PSAP: variants seen among roughly 807,000 people sequenced by gnomAD.
The protein encoded by PSAP is prosaposin.
In PSAP, 25 loss-of-function variants were observed where a neutral mutation model predicts 66.0. The ratio of observed to expected loss-of-function variants is 0.38; its 90% CI spans 0.28 to 0.53. The LOEUF (loss-of-function observed/expected upper bound fraction) is 0.53. PSAP is among the 20% of genes least tolerant of loss of function. The probability of loss-of-function intolerance (pLI) is 0.83; values close to 1 mark genes in which losing one functional copy is unlikely to be tolerated. For synonymous variants in PSAP, 273 were observed against 258.9 expected (o/e 1.05, Z -0.52); for missense variants, 649 against 668.8 (o/e 0.97, Z 0.33).
chr10:71,822,330 G>C (rs112853095), intron 7 of PSAP: 20 of 428,918 alleles, frequency 4.7e-5, no homozygotes, highest in Non-Finnish European at 7.4e-5. Context: ...GTCTGTTCTA[G>C]AATGTGTCTT....
In PSAP at chr10:71,819,481, T is replaced by C; in HGVS notation, c.1334A>G (p.Asp445Gly). ...GGGGCGTACCTGCTTCTGGTAAGGG[T>C]CTGGCAGGAAGCTGCAGCCTTTCTC... ...ALEKGCSFLP[D>G]PYQKQCDQFV... The change falls in exon 11 of 14, where the codon GAC (aspartate) becomes GGC (glycine). Residue 445 changes from aspartate (D) to glycine (G), a missense_variant. Asp to Gly is a moderately conservative substitution (Grantham distance 94). Transcript: ENST00000394936. The C allele has an allele frequency of 6.2e-7, 1 of 1,614,162 alleles. No homozygotes were observed. The highest frequency in any genetic ancestry group is 8.5e-7 in the Non-Finnish European group (1 of 1,180,042).
At position 71,816,462 on chromosome 10, in the gene PSAP, T is replaced by C. The variant is rs1400948320; in HGVS notation, c.*979A>G. Reference sequence around the variant, plus strand: ...GTGCCCAAGTGGGCCACAGACAGCTTCCAACCCCCACACCCCAGCATCCAA... The same window carrying C: ...GTGCCCAAGTGGGCCACAGACAGCTCCCAACCCCCACACCCCAGCATCCAA... On this transcript the variant is annotated 3_prime_UTR_variant, in exon 14 of 14. Coordinates refer to ENST00000394936, the MANE Select transcript of PSAP (RefSeq NM_002778.4). 2.1e-6 allele frequency: 1 copy of C among 471,252 alleles called. No individual in the cohort carries two copies. Among genetic ancestry groups the C allele is most frequent in the East Asian group, 6.9e-5 (1 of 14,400 alleles). 29.2% of individuals were successfully genotyped at this position (471,252 alleles called of 1,614,324 possible). A position where few individuals can be genotyped will look rare whatever the true frequency, so the allele number is the denominator to read the frequency against.
intron 1 of PSAP, among the ~76,000 whole-genome samples, chr10:71,845,634 C>T (rs1461022673): frequency 1.3e-5 from 2 of 152,180 alleles, no homozygotes; most frequent in Non-Finnish European, 2.9e-5. Context: ...ACTGACCTGG[C>T]TTCCCACGTC....
At chr10:71,839,349 C>T (rs1476704743) in intron 1 of PSAP, among the ~76,000 whole-genome samples, 1 of 152,112 alleles carries the variant, frequency 6.6e-6, no homozygotes, top group Non-Finnish European at 1.5e-5. Flanking sequence ...AAGCGATTCT[C>T]CTGCCTCAGC....
At chr10:71,821,780 G>A (rs747907272) in intron 8 of PSAP, 96 bp downstream of exon 8, 42 of 1,555,244 alleles carry the variant, frequency 2.7e-5, no homozygotes, top group South Asian at 7.9e-5. Context: ...GCAGGGAACC[G>A]AAAGAAACAA....
intron 1 of PSAP, among the ~76,000 whole-genome samples, chr10:71,835,481 A>C (rs560379139): frequency 6.6e-6 from 1 of 152,062 alleles, no homozygotes; most frequent in South Asian, 2.1e-4. Context: ...CTGAGGTGGG[A>C]GGATAGCTTG....
chr10:71,836,301 C>T (rs1190780677), intron 1 of PSAP, among the ~76,000 whole-genome samples: 1 of 152,084 alleles, frequency 6.6e-6, no homozygotes, highest in African/African-American at 2.4e-5. Flanking sequence ...TTAGTTAGCC[C>T]GCAGTGTAGC....
At chr10:71,820,187 T>G in intron 9 of PSAP, 53 bp downstream of exon 9, 1 of 1,493,128 alleles carries the variant, frequency 6.7e-7, no homozygotes, top group African/African-American at 1.4e-5. Flanking sequence ...CACTGGGACA[T>G]TCAGGCTCGG....
intron 1 of PSAP, among the ~76,000 whole-genome samples, chr10:71,844,952 G>A (rs1027216991): frequency 2.0e-5 from 3 of 152,100 alleles, no homozygotes; most frequent in Non-Finnish European, 2.9e-5. Context: ...GTCAAATGTG[G>A]TCTGAAAATG....
intron 1 of PSAP, among the ~76,000 whole-genome samples, chr10:71,849,094 T>C (rs1175143616): frequency 2.6e-5 from 4 of 151,934 alleles, no homozygotes; most frequent in African/African-American, 9.7e-5. Flanking sequence ...ACAAGAACAA[T>C]GGATAATGTA....
chr10:71,837,383 T>G (rs1653765696), intron 1 of PSAP, among the ~76,000 whole-genome samples: 2 of 152,222 alleles, frequency 1.3e-5, no homozygotes, highest in Non-Finnish European at 2.9e-5. Context: ...GCAGATCTCC[T>G]AAGAGGGGAT....
intron 2 of PSAP, 72 bp downstream of exon 2, chr10:71,834,300 A>T: frequency 6.2e-7 from 1 of 1,605,694 alleles, no homozygotes; most frequent in Non-Finnish European, 8.5e-7. Context: ...TCAATATGGC[A>T]GTGAGTTACA....
At chr10:71,834,302 T>G in intron 2 of PSAP, 70 bp downstream of exon 2, 2 of 1,606,582 alleles carry the variant, frequency 1.2e-6, no homozygotes, top group South Asian at 1.1e-5. Context: ...AATATGGCAG[T>G]GAGTTACAGC....
chr10:71,822,460 G>C (rs949343872), intron 7 of PSAP, among the ~76,000 whole-genome samples: 1 of 152,154 alleles, frequency 6.6e-6, no homozygotes, highest in African/African-American at 2.4e-5. Flanking sequence ...TTTTTCAGCG[G>C]CAGGACCATT....
chr10:71,820,201 G>A, intron 9 of PSAP, 39 bp downstream of exon 9: 4 of 1,544,550 alleles, frequency 2.6e-6, no homozygotes, highest in East Asian at 4.5e-5. Context: ...GGCTCGGGGG[G>A]GCAGGAGAGG....
chr10:71,834,073 C>T (rs1465865571), intron 2 of PSAP, among the ~76,000 whole-genome samples: 1 of 152,164 alleles, frequency 6.6e-6, no homozygotes, highest in Admixed American at 6.5e-5. Context: ...TGCACAGAGG[C>T]CCAGAGGCAG....
chr10:71,851,228 G>T lies in PSAP; in HGVS notation c.-7C>A, dbSNP rs376590649. 1.3e-6 allele frequency: 2 copies of T among 1,550,982 alleles called. No homozygotes were observed. Among genetic ancestry groups the T allele is most frequent in the Admixed American group, 3.9e-5 (2 of 51,012 alleles). Reference sequence around the variant, plus strand: ...GGAGGAAGAGGGCGTACATAGCGCCGTCTGACTCCGCAGTCTGCAATGCGG... The same window carrying T: ...GGAGGAAGAGGGCGTACATAGCGCCTTCTGACTCCGCAGTCTGCAATGCGG... On this transcript the variant is annotated 5_prime_UTR_variant, in exon 1 of 14. Transcript: ENST00000394936.
rs1842426939 is a variant in PSAP at position 71,828,001 on chromosome 10, A to G, written c.720+13T>C. 2.5e-6 allele frequency: 4 copies of G among 1,614,020 alleles called. No individual in the cohort carries two copies. The highest frequency in any genetic ancestry group is 3.4e-6 in the Non-Finnish European group (4 of 1,180,022). On this transcript the variant is annotated intron_variant, in intron 6 of 13. Coordinates refer to ENST00000394936, the MANE Select transcript of PSAP (RefSeq NM_002778.4). Reference sequence around the variant, plus strand: ...CCCAGAACATCCCCAATGCACAAGGACACAAGGCTCACTATGTCGGCCATG... The same window carrying G: ...CCCAGAACATCCCCAATGCACAAGGGCACAAGGCTCACTATGTCGGCCATG...
rs1471137256 is a variant in PSAP at position 71,833,027 on chromosome 10, AAAAACAAAAAAC to A, written c.175-1119_175-1108del. On this transcript the variant is annotated intron_variant, in intron 2 of 13. Transcript: ENST00000394936. Reference sequence around the variant, plus strand: ...GTGAGAGTCCATCTCAAAAAAAAAAAAAAACAAAAAACAAAAACAGAAGGCCGGGCCATGACA... The same window carrying A: ...GTGAGAGTCCATCTCAAAAAAAAAAAAAAAACAGAAGGCCGGGCCATGACA... 3.0e-4 allele frequency among the ~76,000 whole-genome samples: 40 copies of A among 134,150 alleles called. 8 individuals are homozygous for A. The highest frequency in any genetic ancestry group is 5.7e-4 in the Admixed American group (8 of 14,052). 88.0% of individuals were successfully genotyped at this position (134,150 alleles called of 152,430 possible).
Sources: gnomAD v4.1 joint callset for allele counts (sites outside exome capture counted in the v4.1 genomes callset) on GRCh38, gnomAD v4.1.1 for gene constraint, MANE v1.5 for transcripts, NCBI Gene and HGNC (gene_info 2026-07-23, HGNC 2026-07-21) for gene names.